DIP2C: variants seen among roughly 807,000 people sequenced by gnomAD.
DIP2C encodes the protein disco-interacting protein 2 homolog C.
In DIP2C, 33 loss-of-function variants were observed where a neutral mutation model predicts 192.4. The observed-to-expected ratio is 0.17, with a 90% CI of 0.13 to 0.23. The LOEUF (loss-of-function observed/expected upper bound fraction) is 0.23. Ranked by LOEUF, DIP2C falls within the 10% of genes least tolerant of loss-of-function variation. The pLI, the probability that DIP2C is intolerant of heterozygous loss-of-function variation, is 1.00. For missense variants in DIP2C, 1,537 were observed against 2,110.1 expected (o/e 0.73, Z 5.32); for synonymous variants, 979 against 864.1 (o/e 1.13, Z -2.33).
chr10:408,087 T>TA (rs1964934459), intron 9 of DIP2C, among the ~76,000 whole-genome samples: 1 of 150,918 alleles, frequency 6.6e-6, no homozygotes, highest in South Asian at 2.1e-4. Flanking sequence ...CTCTTACATT[T>TA]AGGCGTTTGG....
intron 2 of DIP2C, among the ~76,000 whole-genome samples, chr10:474,697 C>T (rs977649973): frequency 6.6e-6 from 1 of 152,202 alleles, no homozygotes. Context: ...CCCACACATC[C>T]GAAAGTGCTT....
At chr10:532,712 TATGGGTGTGAGA>T (rs1847473087) in intron 1 of DIP2C, among the ~76,000 whole-genome samples, 1 of 103,718 alleles carries the variant, frequency 9.6e-6, no homozygotes. Context: ...TGAGAGAGAG[TATGGGTGTGAGA>T]GAGAGTATGG....
rs115647497 is a variant in DIP2C at position 576,531 on chromosome 10, A to C, written c.86-90001T>G. 7.2e-4 allele frequency among the ~76,000 whole-genome samples: 110 copies of C among 152,346 alleles called. 2 individuals carry two copies. Among genetic ancestry groups the C allele is most frequent in the African/African-American group, 2.6e-3 (107 of 41,576 alleles). ...GAGCGCTAAATTAGCATGTACATAC[A>C]CAACCACATTCATTTCAATTGTGCT... On this transcript the variant is annotated intron_variant, in intron 1 of 36. Coordinates refer to ENST00000280886, the MANE Select transcript of DIP2C (RefSeq NM_014974.3).
intron 1 of DIP2C, among the ~76,000 whole-genome samples, chr10:603,233 G>A (rs1203984056): frequency 6.7e-6 from 1 of 148,562 alleles, no homozygotes; most frequent in Non-Finnish European, 1.5e-5. Context: ...AGGGGGGCGG[G>A]GGTTGCAGTG....
At chr10:618,597 CTACTAAA>C (rs916337222) in intron 1 of DIP2C, among the ~76,000 whole-genome samples, 1 of 62,794 alleles carries the variant, frequency 1.6e-5, no homozygotes, top group Non-Finnish European at 6.8e-5. Flanking sequence ...TTAGTCATGA[CTACTAAA>C]TAATGATTTT....
chr10:343,578 C>A (rs1165661680), intron 28 of DIP2C, among the ~76,000 whole-genome samples: 3 of 152,272 alleles, frequency 2.0e-5, no homozygotes, highest in African/African-American at 7.2e-5. Flanking sequence ...GTAAATAATT[C>A]TTTTTAGCTT....
chr10:565,510 A>C (rs557328997), intron 1 of DIP2C, among the ~76,000 whole-genome samples: 1 of 152,348 alleles, frequency 6.6e-6, no homozygotes, highest in African/African-American at 2.4e-5. Flanking sequence ...TAAACAAGGC[A>C]TATGATGAAC....
At position 662,005 on chromosome 10, in the gene DIP2C, GCCATGGCGAGTGCCCCGCAGGAGCC is replaced by G. The variant is rs1856790132; in HGVS notation, c.85+27464_85+27488del. The G allele has an allele frequency of 4.2e-6, 3 of 712,662 alleles. No homozygotes were observed. The African/African-American group carries it at 5.2e-5, about 12-fold the overall frequency. The allele number at this position is 712,662 out of a possible 1,614,324, so 44.1% of individuals were successfully genotyped here. A position where few individuals can be genotyped will look rare whatever the true frequency, so the allele number is the denominator to read the frequency against. On this transcript the variant is annotated intron_variant, in intron 1 of 36. Transcript: ENST00000280886. ...ACTGGCTGCCTTCTCTCCTCCTCTC[GCCATGGCGAGTGCCCCGCAGGAGCC>G]TGGCCTGTCCCCCGTGGCTCCACAG...
At chr10:580,731 A>AT (rs939691149) in intron 1 of DIP2C, among the ~76,000 whole-genome samples, 9 of 151,682 alleles carry the variant, frequency 5.9e-5, no homozygotes, top group African/African-American at 1.5e-4. Context: ...GTTCCACATA[A>AT]TTTTTTTTTC....
intron 1 of DIP2C, among the ~76,000 whole-genome samples, chr10:549,080 T>TA: frequency 6.6e-6 from 1 of 152,184 alleles, no homozygotes. Flanking sequence ...CGATCCACTT[T>TA]ACTTTCTACT....
intron 24 of DIP2C, among the ~76,000 whole-genome samples, chr10:354,183 C>T (rs1958964142): frequency 6.6e-6 from 1 of 152,260 alleles, no homozygotes; most frequent in South Asian, 2.1e-4. Flanking sequence ...ATGCCTTCCA[C>T]ACAGTCCTAA....
intron 24 of DIP2C, 46 bp downstream of exon 24, chr10:356,380 G>A (rs1183505030): frequency 5.0e-6 from 8 of 1,600,616 alleles, no homozygotes; most frequent in Non-Finnish European, 6.8e-6. Context: ...AACCAGGCTA[G>A]GCCCCTTGAG....
At position 573,920 on chromosome 10, in the gene DIP2C, C is replaced by CCA. The variant is rs546755680; in HGVS notation, c.86-87392_86-87391dup. ...ATAAAGTGGTACCATGGACACACCA[C>CCA]CACATCACAGACTAGAGCGTGACAG... On this transcript the variant is annotated intron_variant, in intron 1 of 36. Coordinates refer to ENST00000280886, the MANE Select transcript of DIP2C (RefSeq NM_014974.3). Among the ~76,000 whole-genome samples, 217 of 152,326 alleles carry CCA rather than the reference C, an allele frequency of 1.4e-3. 1 individual carries two copies. Among genetic ancestry groups the CCA allele is most frequent in the African/African-American group, 5.0e-3 (209 of 41,562 alleles).
At chr10:351,048 T>C (rs1429321279) in intron 24 of DIP2C, among the ~76,000 whole-genome samples, 2 of 151,822 alleles carry the variant, frequency 1.3e-5, no homozygotes, top group Non-Finnish European at 2.9e-5. Flanking sequence ...ACGCTGTGAT[T>C]CAGAGATTGG....
chr10:314,138 ACTC>A (rs1358838101), intron 31 of DIP2C, among the ~76,000 whole-genome samples: 1 of 152,186 alleles, frequency 6.6e-6, no homozygotes, highest in African/African-American at 2.4e-5. Context: ...ACTTCTTTGT[ACTC>A]CTATTTCCAG....
At position 545,166 on chromosome 10, in the gene DIP2C, C is replaced by CTTTTTTT. The variant is rs60185327; in HGVS notation, c.86-58643_86-58637dup. ...TGATCCAACATGACTGGTGTTTTCC[C>CTTTTTTT]TTTTTTTTTTTTTTTTTTTTTTTGA... On this transcript the variant is annotated intron_variant, in intron 1 of 36. Coordinates refer to ENST00000280886, the MANE Select transcript of DIP2C (RefSeq NM_014974.3). Among the ~76,000 whole-genome samples the CTTTTTTT allele has an allele frequency of 3.3e-3, 282 of 86,338 alleles. 7 individuals carry two copies. The highest frequency in any genetic ancestry group is 0.014 in the African/African-American group (247 of 17,592). The allele number at this position is 86,338 out of a possible 152,430, so 56.6% of individuals were successfully genotyped here.
chr10:582,506 C>T (rs533968606), intron 1 of DIP2C, among the ~76,000 whole-genome samples: 11 of 152,288 alleles, frequency 7.2e-5, no homozygotes, highest in African/African-American at 2.6e-4. Flanking sequence ...TCGCCTGAGC[C>T]AGGGAGGTCC....
At chr10:308,677 A>G (rs1413556503) in intron 32 of DIP2C, among the ~76,000 whole-genome samples, 1 of 152,232 alleles carries the variant, frequency 6.6e-6, no homozygotes, top group Non-Finnish European at 1.5e-5. Context: ...CCTTGGGGGC[A>G]GGCGTTGCCT....
At chr10:423,068 C>T in intron 4 of DIP2C, 35 bp from the exon 5 acceptor site, 1 of 1,548,078 alleles carries the variant, frequency 6.5e-7, no homozygotes, top group Non-Finnish European at 8.7e-7. Context: ...CTGTATGTTG[C>T]AGCAAAAACG....
Sources: gnomAD v4.1 joint callset for allele counts (sites outside exome capture counted in the v4.1 genomes callset) on GRCh38, gnomAD v4.1.1 for gene constraint, MANE v1.5 for transcripts, NCBI Gene and HGNC (gene_info 2026-07-23, HGNC 2026-07-21) for gene names.